Variants in ATRNL1 observed in about 807,000 individuals in gnomAD.
The protein encoded by ATRNL1 is attractin-like protein 1.
ATRNL1 carries 95 observed loss-of-function variants against 182.7 expected under a neutral mutation model. That is an observed-to-expected ratio of 0.52 (90% CI 0.44 to 0.62). The LOEUF (loss-of-function observed/expected upper bound fraction) is 0.62, where lower values mean the gene tolerates loss of function less well. ATRNL1 is among the 20% of genes least tolerant of loss of function. The pLI, the probability that ATRNL1 is intolerant of heterozygous loss-of-function variation, is 0.00. For missense variants in ATRNL1, 1,471 were observed against 1,679.5 expected, an observed-to-expected ratio of 0.88 and a Z score of 2.17; for synonymous variants, 576 against 568.3, an observed-to-expected ratio of 1.01 and a Z score of -0.19.
chr10:115,713,702 TATC>T (rs782583491), intron 26 of ATRNL1, among the ~76,000 whole-genome samples: 29,930 of 100,790 alleles, frequency 0.3, 3,572 homozygotes, highest in East Asian at 0.51. Context: ...TCTATCTATC[TATC>T]ATCTATCTAT....
chr10:115,906,888 T>A (rs1952519687), intron 28 of ATRNL1, among the ~76,000 whole-genome samples: 1 of 140,268 alleles, frequency 7.1e-6, no homozygotes, highest in Non-Finnish European at 1.5e-5. Flanking sequence ...AAATATTAAT[T>A]CACTTAATCT....
chr10:115,906,903 A>T (rs1425123063), intron 28 of ATRNL1, among the ~76,000 whole-genome samples: 1 of 152,204 alleles, frequency 6.6e-6, no homozygotes, highest in Admixed American at 6.5e-5. Flanking sequence ...TAATCTTTAT[A>T]ATCCCCTGAG....
Position 115,925,846 on chromosome 10 carries a change from G to A in ATRNL1, c.4019-18812G>A, listed in dbSNP as rs571231966. On this transcript the variant is annotated intron_variant, in intron 28 of 28. Transcript: ENST00000355044. ...TTTTAACACACTTTCAATATTAGAC[G>A]GATCAATGAGACAGAAAATTAGCAA... Among the ~76,000 whole-genome samples the A allele has an allele frequency of 4.6e-5, 7 of 151,856 alleles. No homozygotes were observed. The East Asian group carries it at 5.8e-4, about 13-fold the overall frequency.
At chr10:115,356,595 C>A (rs1856513884) in intron 19 of ATRNL1, among the ~76,000 whole-genome samples, 1 of 151,924 alleles carries the variant, frequency 6.6e-6, no homozygotes, top group Non-Finnish European at 1.5e-5. Flanking sequence ...TTACTTATTT[C>A]TGTTAGATGC....
chr10:115,575,998 TTTC>T (rs1425053865), intron 26 of ATRNL1, among the ~76,000 whole-genome samples: 1 of 152,098 alleles, frequency 6.6e-6, no homozygotes, highest in Non-Finnish European at 1.5e-5. Flanking sequence ...ATGCAGTACT[TTTC>T]TTTGTGTCTG....
At position 115,773,835 on chromosome 10, in the gene ATRNL1, C is replaced by A. The variant is rs549843610; in HGVS notation, c.3903+46480C>A. Among the ~76,000 whole-genome samples the A allele has an allele frequency of 7.2e-5, 11 of 152,276 alleles. No homozygotes were observed. In the South Asian group the frequency reaches 2.1e-3, roughly 29 times the overall value. The stretch of plus-strand genomic sequence containing the variant: ...AATACCAAAAATTCAAACCCAAATT[C>A]TTTTTGGGTTAATTGGAGGCTTTGC... On this transcript the variant is annotated intron_variant, in intron 27 of 28. Coordinates refer to ENST00000355044, the MANE Select transcript of ATRNL1 (RefSeq NM_207303.4).
At chr10:115,899,419 C>A (rs2134485242) in intron 28 of ATRNL1, among the ~76,000 whole-genome samples, 1 of 152,246 alleles carries the variant, frequency 6.6e-6, no homozygotes, top group South Asian at 2.1e-4. Context: ...AGCGATTCTC[C>A]TGCCTCAGCC....
chr10:115,792,006 G>T (rs1289747873), intron 27 of ATRNL1, among the ~76,000 whole-genome samples: 1 of 152,118 alleles, frequency 6.6e-6, no homozygotes. Context: ...TCCTCAGAGT[G>T]ACTTTGCTTT....
At chr10:115,456,352 G>A (rs1001911705) in intron 21 of ATRNL1, among the ~76,000 whole-genome samples, 8 of 152,142 alleles carry the variant, frequency 5.3e-5, no homozygotes, top group Non-Finnish European at 1.0e-4. Flanking sequence ...GATGAAGCTG[G>A]AAACCATCAT....
chr10:115,514,036 T>C (rs184395768), intron 24 of ATRNL1, among the ~76,000 whole-genome samples: 9 of 152,088 alleles, frequency 5.9e-5, no homozygotes. Flanking sequence ...ATAGAGACTT[T>C]ACCCATACAC....
intron 10 of ATRNL1, among the ~76,000 whole-genome samples, chr10:115,258,822 T>C (rs782579920): frequency 6.6e-6 from 1 of 152,226 alleles, no homozygotes; most frequent in Non-Finnish European, 1.5e-5. Context: ...CTTTTGTTGA[T>C]GTTGCTGCTA....
intron 9 of ATRNL1, among the ~76,000 whole-genome samples, chr10:115,234,573 A>G (rs987764269): frequency 2.0e-5 from 3 of 150,122 alleles, no homozygotes; most frequent in Admixed American, 6.6e-5. Flanking sequence ...AAATTGCTAG[A>G]TTCGATTTTT....
At chr10:115,899,957 G>A (rs528473255) in intron 28 of ATRNL1, among the ~76,000 whole-genome samples, 1 of 152,214 alleles carries the variant, frequency 6.6e-6, no homozygotes, top group South Asian at 2.1e-4. Context: ...ACTAGCCAAG[G>A]CACTCCTGAA....
At chr10:115,475,372 C>T (rs1342176587) in intron 24 of ATRNL1, among the ~76,000 whole-genome samples, 1 of 151,408 alleles carries the variant, frequency 6.6e-6, no homozygotes, top group Non-Finnish European at 1.5e-5. Flanking sequence ...TAGCAAAACA[C>T]CTTTATACCT....
intron 24 of ATRNL1, among the ~76,000 whole-genome samples, chr10:115,475,634 G>T (rs2134590731): frequency 6.6e-6 from 1 of 151,386 alleles, no homozygotes; most frequent in Non-Finnish European, 1.5e-5. Context: ...GATTACTAGT[G>T]GTACTTAATT....
chr10:115,297,155 C>T (rs1273977384), intron 15 of ATRNL1, among the ~76,000 whole-genome samples: 1 of 151,980 alleles, frequency 6.6e-6, no homozygotes, highest in Admixed American at 6.6e-5. Flanking sequence ...GAGCTACTAG[C>T]TTAATGGCTA....
intron 28 of ATRNL1, among the ~76,000 whole-genome samples, chr10:115,865,769 G>A (rs933342649): frequency 7.2e-5 from 11 of 152,262 alleles, no homozygotes; most frequent in African/African-American, 2.2e-4. Flanking sequence ...CCCTGCTGAG[G>A]TATCTGAGGC....
intron 26 of ATRNL1, among the ~76,000 whole-genome samples, chr10:115,709,204 C>T (rs1198266539): frequency 6.6e-6 from 1 of 151,744 alleles, no homozygotes; most frequent in Non-Finnish European, 1.5e-5. Context: ...TTTTGACCTA[C>T]TTGGCCTTAG....
intron 3 of ATRNL1, among the ~76,000 whole-genome samples, chr10:115,122,139 A>G (rs927962762): frequency 6.6e-6 from 1 of 151,892 alleles, no homozygotes; most frequent in African/African-American, 2.4e-5. Context: ...CTAGCTGACA[A>G]ATAAATAGAC....
Sources: allele counts gnomAD v4.1 joint callset (sites outside exome capture counted in the v4.1 genomes callset), GRCh38; gene constraint gnomAD v4.1.1; transcripts MANE v1.5; gene names NCBI Gene and HGNC (gene_info 2026-07-23, HGNC 2026-07-21).